Variants in MAGI2 observed in about 807,000 individuals in gnomAD.
The protein encoded by MAGI2 is membrane associated guanylate kinase, WW and PDZ domain containing 2.
In MAGI2, 35 loss-of-function variants were observed where a neutral mutation model predicts 133.3. The ratio of observed to expected loss-of-function variants is 0.26; its 90% CI spans 0.20 to 0.35. The LOEUF (loss-of-function observed/expected upper bound fraction) is 0.35. Ranked by LOEUF, MAGI2 falls within the 10% of genes least tolerant of loss-of-function variation. MAGI2 has a pLI of 1.00. For synonymous variants in MAGI2, 729 were observed against 710.6 expected (o/e 1.03, Z -0.41); for missense variants, 1,636 against 1,863.4 (o/e 0.88, Z 2.25).
chr7:79,067,659 G>C (rs1234880478), intron 1 of MAGI2, among the ~76,000 whole-genome samples: 1 of 152,170 alleles, frequency 6.6e-6, no homozygotes, highest in East Asian at 1.9e-4. Flanking sequence ...TGAGTGGTGA[G>C]AGAAGGCATC....
intron 21 of MAGI2, among the ~76,000 whole-genome samples, chr7:78,025,197 C>T (rs2471597): frequency 0.91 from 139,071 of 152,218 alleles, 63,674 homozygotes; most frequent in East Asian, 1. Context: ...GACATCATTG[C>T]TGACTTCTCT....
intron 1 of MAGI2, among the ~76,000 whole-genome samples, chr7:79,237,331 A>G: frequency 6.6e-6 from 1 of 152,128 alleles, no homozygotes; most frequent in Non-Finnish European, 1.5e-5. Context: ...CGTCTCTACT[A>G]AAAATACAAA....
chr7:78,615,301 C>T (rs1806959758), intron 3 of MAGI2: 1 of 152,126 alleles, frequency 6.6e-6, no homozygotes, highest in Admixed American at 6.6e-5. Flanking sequence ...TCCTAGATAT[C>T]CTTGAAGTTA....
intron 2 of MAGI2, among the ~76,000 whole-genome samples, chr7:79,000,869 T>C (rs1043340557): frequency 6.6e-6 from 1 of 152,196 alleles, no homozygotes; most frequent in African/African-American, 2.4e-5. Flanking sequence ...TGTAATTCAA[T>C]CAGGTCTTCC....
chr7:78,513,651 C>T (rs758963175), intron 4 of MAGI2, among the ~76,000 whole-genome samples: 1 of 152,128 alleles, frequency 6.6e-6, no homozygotes, highest in African/African-American at 2.4e-5. Context: ...GCTGGAGAAA[C>T]CTGAGGTGCT....
At chr7:79,315,661 C>T (rs2886212) in intron 1 of MAGI2, among the ~76,000 whole-genome samples, 103,261 of 151,860 alleles carry the variant, frequency 0.68, 35,478 homozygotes, top group Admixed American at 0.71. Context: ...CAAGTATAAG[C>T]AGGATGCCCA....
chr7:78,624,269 T>G (rs1215384863), intron 3 of MAGI2, among the ~76,000 whole-genome samples: 1 of 152,178 alleles, frequency 6.6e-6, no homozygotes, highest in Non-Finnish European at 1.5e-5. Flanking sequence ...AGGTTGTCTG[T>G]TCACTCTGAT....
rs1292394200 is a variant in MAGI2 at position 78,019,443 on chromosome 7, GCCGGGGACCCGCGCGCGCACCCGC to G, written c.4216_4239del (p.Ala1406_Arg1413del). The G allele has an allele frequency of 1.0e-6, 1 of 991,074 alleles. No individual in the cohort carries two copies. The highest frequency in any genetic ancestry group is 1.1e-4 in the East Asian group (1 of 9,222). The allele number at this position is 991,074 out of a possible 1,614,324, so 61.4% of individuals were successfully genotyped here. The stretch of plus-strand genomic sequence containing the variant: ...GCGCCCCCCGGGGGTCGCGGGCCCG[GCCGGGGACCCGCGCGCGCACCCGC>G]CCTGCCCTCGGCCTCCAGCGCGCCG... On this transcript the variant is annotated inframe_deletion, in exon 22 of 22. Transcript: ENST00000354212.
intron 2 of MAGI2, among the ~76,000 whole-genome samples, chr7:78,859,633 T>C (rs1793987294): frequency 6.6e-6 from 1 of 152,186 alleles, no homozygotes; most frequent in African/African-American, 2.4e-5. Flanking sequence ...GGGCTTCCCT[T>C]TGTGGGTAAC....
At chr7:78,731,781 C>T (rs376795970) in intron 2 of MAGI2, among the ~76,000 whole-genome samples, 5 of 152,162 alleles carry the variant, frequency 3.3e-5, no homozygotes, top group African/African-American at 1.2e-4. Context: ...TCTTTGAGCC[C>T]CTGTATATCT....
chr7:78,491,447 A>G (rs1194457604), intron 5 of MAGI2, among the ~76,000 whole-genome samples: 2 of 152,130 alleles, frequency 1.3e-5, no homozygotes, highest in African/African-American at 4.8e-5. Flanking sequence ...TTCACATGGA[A>G]TAAAGAGAAG....
At chr7:78,965,891 C>T (rs186883537) in intron 2 of MAGI2, among the ~76,000 whole-genome samples, 12 of 152,132 alleles carry the variant, frequency 7.9e-5, no homozygotes, top group Admixed American at 5.9e-4. Flanking sequence ...TAGGACTCTG[C>T]GGAATCAAAA....
intron 21 of MAGI2, among the ~76,000 whole-genome samples, chr7:78,063,649 A>C (rs914035117): frequency 1.3e-5 from 2 of 151,968 alleles, no homozygotes; most frequent in African/African-American, 2.4e-5. Flanking sequence ...TCCTTGAACC[A>C]TTTCGTCTGC....
In MAGI2 at chr7:78,284,240, C is replaced by A. The variant is rs183028864; in HGVS notation, c.1409-27659G>T. Among the ~76,000 whole-genome samples, 12 of 152,116 alleles carry A rather than the reference C, an allele frequency of 7.9e-5. No homozygotes were observed. In the East Asian group the frequency reaches 2.3e-3, roughly 29 times the overall value. ...CCCTAGGCAAATGTTTTTTTAAGAA[C>A]CAGTTTCTAGTTATTTTTTGACATT... On this transcript the variant is annotated intron_variant, in intron 9 of 21. Coordinates refer to ENST00000354212, the MANE Select transcript of MAGI2 (RefSeq NM_012301.4).
chr7:79,071,268 C>T (rs1331509263), intron 1 of MAGI2, among the ~76,000 whole-genome samples: 1 of 152,204 alleles, frequency 6.6e-6, no homozygotes, highest in East Asian at 1.9e-4. Context: ...CTGGGTATCA[C>T]TGGTGGAGGC....
intron 2 of MAGI2, among the ~76,000 whole-genome samples, chr7:78,730,124 A>T (rs1821225834): frequency 6.6e-6 from 1 of 152,204 alleles, no homozygotes; most frequent in African/African-American, 2.4e-5. Flanking sequence ...AATGTTTATT[A>T]TTCCAAATAA....
At chr7:78,274,891 C>T (rs1203671106) in intron 9 of MAGI2, among the ~76,000 whole-genome samples, 1 of 152,132 alleles carries the variant, frequency 6.6e-6, no homozygotes, top group Non-Finnish European at 1.5e-5. Context: ...GGGGGTGGGA[C>T]CCGCTGAGCC....
At chr7:78,392,099 C>T (rs191503621) in intron 6 of MAGI2, among the ~76,000 whole-genome samples, 2 of 152,116 alleles carry the variant, frequency 1.3e-5, no homozygotes, top group Non-Finnish European at 2.9e-5. Context: ...AGAGAAGATA[C>T]GATCCTTGCC....
intron 6 of MAGI2, chr7:78,486,573 C>A (rs1793032525): frequency 3.7e-6 from 1 of 273,416 alleles, no homozygotes; most frequent in Non-Finnish European, 7.4e-6. Flanking sequence ...GAGACTCTGG[C>A]ACTGAAGACT....
Sources: gnomAD v4.1 joint callset for allele counts (sites outside exome capture counted in the v4.1 genomes callset) on GRCh38, gnomAD v4.1.1 for gene constraint, MANE v1.5 for transcripts, NCBI Gene and HGNC (gene_info 2026-07-23, HGNC 2026-07-21) for gene names.